The following CDYL variants were observed in gnomAD, a reference collection of about 807,000 sequenced individuals.
CDYL encodes chromodomain Y-like protein.
In CDYL, 8 loss-of-function variants were observed where a neutral mutation model predicts 47.3. The observed-to-expected ratio is 0.17, with a 90% confidence interval of 0.10 to 0.31. The LOEUF is 0.31. CDYL is among the 10% of genes least tolerant of loss of function. The pLI is 1.00. For missense variants in CDYL, 471 were observed against 701.4 expected, an observed-to-expected ratio of 0.67 and a Z score of 3.71; for synonymous variants, 266 against 265.0, an observed-to-expected ratio of 1.00 and a Z score of -0.04.
chr6:4,952,773 T>A (rs1025712948), intron 6 of CDYL, among the ~76,000 whole-genome samples: 5 of 152,108 alleles, frequency 3.3e-5, no homozygotes, highest in Non-Finnish European at 1.5e-5. Context: ...GTTTTTGGGT[T>A]GTTGTTGTTT....
At chr6:4,889,656 C>A (rs1761987304) in intron 1 of CDYL, among the ~76,000 whole-genome samples, 1 of 152,104 alleles carries the variant, frequency 6.6e-6, no homozygotes, top group Non-Finnish European at 1.5e-5. Flanking sequence ...CCATTTCATT[C>A]ATTACATATT....
chr6:4,895,079 A>T (rs985552844), intron 2 of CDYL, among the ~76,000 whole-genome samples: 3 of 57,524 alleles, frequency 5.2e-5, no homozygotes, highest in African/African-American at 9.1e-5. Flanking sequence ...ATGTATCTAT[A>T]TGCACATATA....
At chr6:4,727,493 T>A (rs964077241) in intron 2 of CDYL, among the ~76,000 whole-genome samples, 1 of 152,106 alleles carries the variant, frequency 6.6e-6, no homozygotes, top group African/African-American at 2.4e-5. Flanking sequence ...TACCAAGTCA[T>A]CTCTCTTCAC....
At chr6:4,792,809 A>G (rs1758963161) in intron 1 of CDYL, among the ~76,000 whole-genome samples, 1 of 151,966 alleles carries the variant, frequency 6.6e-6, no homozygotes, top group Non-Finnish European at 1.5e-5. Context: ...TCATCTAAAT[A>G]TTTTGCTTTC....
At chr6:4,716,569 C>G (rs1191338789) in intron 2 of CDYL, among the ~76,000 whole-genome samples, 1 of 149,752 alleles carries the variant, frequency 6.7e-6, no homozygotes, top group Non-Finnish European at 1.5e-5. Context: ...TCTGTGTTTA[C>G]AAGCGTCAGA....
At chr6:4,861,294 C>G (rs1761161846) in intron 1 of CDYL, among the ~76,000 whole-genome samples, 1 of 152,206 alleles carries the variant, frequency 6.6e-6, no homozygotes, top group Admixed American at 6.5e-5. Flanking sequence ...GAGTCGTTAA[C>G]TGTGGGCATA....
chr6:4,909,727 C>T (rs1353779240), intron 2 of CDYL, among the ~76,000 whole-genome samples: 9 of 151,950 alleles, frequency 5.9e-5, no homozygotes, highest in South Asian at 2.1e-4. Context: ...CCCACCACCA[C>T]GCCTGGCTAT....
chr6:4,900,155 TTCTA>T (rs1189933032), intron 2 of CDYL, among the ~76,000 whole-genome samples: 2 of 152,220 alleles, frequency 1.3e-5, no homozygotes, highest in East Asian at 1.9e-4. Flanking sequence ...TGTGTGTCAT[TTCTA>T]TCTTTTTCTA....
At chr6:4,767,818 G>C (rs983898059) in intron 3 of CDYL, among the ~76,000 whole-genome samples, 6 of 152,148 alleles carry the variant, frequency 3.9e-5, no homozygotes, top group Non-Finnish European at 8.8e-5. Context: ...TATGCAGTTG[G>C]CATCAGCGAA....
intron 3 of CDYL, among the ~76,000 whole-genome samples, chr6:4,749,799 G>T (rs913795062): frequency 1.3e-5 from 2 of 152,222 alleles, no homozygotes; most frequent in Non-Finnish European, 2.9e-5. Context: ...TTGCAGATAA[G>T]CTGTAAGTAG....
At chr6:4,828,382 C>A (rs1760040323) in intron 1 of CDYL, among the ~76,000 whole-genome samples, 1 of 151,602 alleles carries the variant, frequency 6.6e-6, no homozygotes, top group African/African-American at 2.4e-5. Context: ...CTCAGCCTCC[C>A]AAGTAGCTGG....
intron 1 of CDYL, among the ~76,000 whole-genome samples, chr6:4,825,476 G>A (rs2127450836): frequency 6.6e-6 from 1 of 152,204 alleles, no homozygotes; most frequent in African/African-American, 2.4e-5. Flanking sequence ...TTAGCTGTGA[G>A]TTTTTCATAA....
chr6:4,804,976 G>A (rs944042181), intron 1 of CDYL, among the ~76,000 whole-genome samples: 14 of 152,146 alleles, frequency 9.2e-5, no homozygotes, highest in African/African-American at 2.4e-4. Flanking sequence ...GAAAGAGGGA[G>A]AAATTGTTCA....
intron 1 of CDYL, among the ~76,000 whole-genome samples, chr6:4,822,878 C>G (rs536779294): frequency 4.6e-5 from 7 of 152,324 alleles, no homozygotes; most frequent in Admixed American, 1.3e-4. Flanking sequence ...AAGGGAATTT[C>G]TCTCTTCTTG....
chr6:4,782,460 T>G (rs1758642270), intron 1 of CDYL, among the ~76,000 whole-genome samples: 1 of 152,176 alleles, frequency 6.6e-6, no homozygotes, highest in Non-Finnish European at 1.5e-5. Context: ...CTTTTTACTC[T>G]TAGTTCCTCA....
intron 1 of CDYL, among the ~76,000 whole-genome samples, chr6:4,818,375 G>A (rs916092669): frequency 1.3e-5 from 2 of 152,180 alleles, no homozygotes; most frequent in Admixed American, 1.3e-4. Context: ...CTATGAAAGG[G>A]AGATTTTCTA....
rs1491433393 is a variant in CDYL at position 4,895,094 on chromosome 6, CAT to C, written c.691+2716_691+2717del. Among the ~76,000 whole-genome samples the C allele has an allele frequency of 6.5e-4, 97 of 148,540 alleles. 2 individuals carry two copies. Among genetic ancestry groups the C allele is most frequent in the African/African-American group, 2.3e-3 (91 of 40,374 alleles). On this transcript the variant is annotated intron_variant, in intron 2 of 6. Transcript: ENST00000397588. ...ATGTATCTATATGCACATATATGTA[CAT>C]GTGTGTATATGTATCTATATGCATA...
At chr6:4,841,850 T>A (rs931555877) in intron 1 of CDYL, among the ~76,000 whole-genome samples, 3 of 151,546 alleles carry the variant, frequency 2.0e-5, no homozygotes, top group African/African-American at 7.3e-5. Context: ...ATGTGCTGAT[T>A]AATAGAATGT....
intron 1 of CDYL, among the ~76,000 whole-genome samples, chr6:4,858,083 T>C (rs1268910167): frequency 6.7e-6 from 1 of 149,708 alleles, no homozygotes; most frequent in Non-Finnish European, 1.5e-5. Context: ...TCCTTGCCCT[T>C]CAAAATTGTG....
Sources: gnomAD v4.1 joint callset for allele counts (sites outside exome capture counted in the v4.1 genomes callset) on GRCh38, gnomAD v4.1.1 for gene constraint, MANE v1.5 for transcripts, NCBI Gene and HGNC (gene_info 2026-07-23, HGNC 2026-07-21) for gene names.